The following FSIP2 variants were observed in gnomAD, a reference collection of about 807,000 sequenced individuals.
FSIP2 encodes the protein fibrous sheath interacting protein 2, also known as fibrous sheath-interacting protein 2.
In FSIP2, 367 loss-of-function variants were observed where a neutral mutation model predicts 510.5. The observed-to-expected ratio is 0.72, with a 90% CI of 0.66 to 0.78. FSIP2 has a LOEUF of 0.78. Ranked by LOEUF, FSIP2 falls within the 30% of genes least tolerant of loss-of-function variation. The pLI is 0.00. For synonymous variants in FSIP2, 2,601 were observed against 2,732.2 expected (o/e 0.95, Z 1.50); for missense variants, 7,594 against 7,901.7 (o/e 0.96, Z 1.48).
chr2:185,775,408 C>T (rs1165293294), intron 13 of FSIP2, among the ~76,000 whole-genome samples: 23 of 151,032 alleles, frequency 1.5e-4, no homozygotes, highest in Middle Eastern at 6.8e-3. Context: ...TCATATCCTT[C>T]GCCCACTTTT....
In FSIP2 at chr2:185,802,007, G is replaced by GTA; in HGVS notation, c.12704_12705dup (p.Val4236Ter). The GTA allele has an allele frequency of 6.6e-7, 1 of 1,526,096 alleles. No individual in the cohort carries two copies. Among genetic ancestry groups the GTA allele is most frequent in the Non-Finnish European group, 8.8e-7 (1 of 1,142,548 alleles). 94.5% of individuals were successfully genotyped at this position (1,526,096 alleles called of 1,614,324 possible). The stretch of plus-strand genomic sequence containing the variant: ...GACTCTCTTGTTTCAATACAAAAAA[G>GTA]TATAGTAAGCCGAAGCCCAATTATG... On this transcript the variant is annotated frameshift_variant, in exon 17 of 23. Transcript: ENST00000424728. LOFTEE classifies it high-confidence loss of function.
intron 18 of FSIP2, 58 bp downstream of exon 18, chr2:185,814,100 GC>G: frequency 6.7e-7 from 1 of 1,493,868 alleles, no homozygotes; most frequent in Non-Finnish European, 9.1e-7. Flanking sequence ...CACAAATCTG[GC>G]CCAAGAATGT....
rs1403861660 is a variant in FSIP2 at position 185,762,010 on chromosome 2, T to A, written c.1233T>A (p.Asp411Glu). The A allele has an allele frequency of 2.1e-6, 3 of 1,451,500 alleles. No individual in the cohort carries two copies. Among genetic ancestry groups the A allele is most frequent in the African/African-American group, 1.4e-5 (1 of 71,146 alleles). 89.9% of individuals were successfully genotyped at this position (1,451,500 alleles called of 1,614,324 possible). ...TATCTAAAAACTCAAGTATTTTCGA[T>A]GATAGAGGTAAGAAAATAAACAATA... ...GMVSKNSSIFDDRGGINISGQ... is the reference protein window; with the variant it reads ...GMVSKNSSIFEDRGGINISGQ... The change falls in exon 11 of 23, where the codon GAT becomes GAA. Residue 411 changes from aspartate (D) to glutamate (E), a missense_variant. Transcript: ENST00000424728.
intron 19 of FSIP2, among the ~76,000 whole-genome samples, chr2:185,816,873 GA>G (rs1693835098): frequency 6.7e-6 from 1 of 149,868 alleles, no homozygotes; most frequent in African/African-American, 2.5e-5. Flanking sequence ...GAGAGAGAGA[GA>G]GAGAGAAGAC....
At chr2:185,781,030 C>T (rs377228804) in intron 13 of FSIP2, among the ~76,000 whole-genome samples, 1 of 150,496 alleles carries the variant, frequency 6.6e-6, no homozygotes, top group East Asian at 2.0e-4. Context: ...AAAGCCAAGA[C>T]ATAATTTCTC....
intron 13 of FSIP2, among the ~76,000 whole-genome samples, chr2:185,774,392 TTAA>T (rs1238476153): frequency 2.0e-5 from 3 of 152,188 alleles, no homozygotes; most frequent in Non-Finnish European, 2.9e-5. Context: ...GTGTCTTTAG[TTAA>T]TAATATGTGG....
At chr2:185,763,907 C>G (rs1359885481) in intron 12 of FSIP2, among the ~76,000 whole-genome samples, 1 of 151,582 alleles carries the variant, frequency 6.6e-6, no homozygotes, top group Non-Finnish European at 1.5e-5. Context: ...ATGTTTACCA[C>G]AATGCGATTT....
Position 185,789,036 on chromosome 2 carries a change from C to A in FSIP2, c.1900C>A (p.Leu634Ile), listed in dbSNP as rs2105609213. The stretch of plus-strand genomic sequence containing the variant: ...ACATAAATATAATAAAACCAACTTG[C>A]TATATTCATACCCTAAGCTCAGAAG... ...SKHKYNKTNL[L>I]YSYPKLRSCK... is the part of the protein sequence containing the mutation. The change falls in exon 16 of 23, where the codon CTA becomes ATA. Residue 634 changes from leucine (L) to isoleucine (I), a missense_variant. Physicochemically the swap from Leu to Ile is conservative, Grantham distance 5. Transcript: ENST00000424728. The A allele has an allele frequency of 6.5e-7, 1 of 1,533,900 alleles. No individual in the cohort carries two copies. Among genetic ancestry groups the A allele is most frequent in the Non-Finnish European group, 8.7e-7 (1 of 1,145,282 alleles).
intron 5 of FSIP2, 150 bp downstream of exon 5, chr2:185,745,718 G>T: frequency 1.4e-6 from 1 of 711,116 alleles, no homozygotes; most frequent in Non-Finnish European, 2.1e-6. Flanking sequence ...ACCAAGAGGT[G>T]GAAGAATTTT....
intron 16 of FSIP2, among the ~76,000 whole-genome samples, chr2:185,799,487 G>A (rs1012877072): frequency 2.6e-5 from 4 of 151,684 alleles, no homozygotes; most frequent in Admixed American, 6.6e-5. Flanking sequence ...ATTTTGGGGT[G>A]TTATTTTCTC....
intron 9 of FSIP2, among the ~76,000 whole-genome samples, chr2:185,759,491 A>G (rs1692307023): frequency 6.9e-6 from 1 of 145,224 alleles, no homozygotes; most frequent in Non-Finnish European, 1.5e-5. Flanking sequence ...ACATATATTT[A>G]TATTATATTA....
intron 7 of FSIP2, among the ~76,000 whole-genome samples, chr2:185,750,265 A>T (rs1445850939): frequency 6.6e-6 from 1 of 151,654 alleles, no homozygotes; most frequent in South Asian, 2.1e-4. Flanking sequence ...GGAATTTATC[A>T]GTGAAGACAT....
intron 20 of FSIP2, 122 bp downstream of exon 20, chr2:185,824,602 A>G: frequency 1.5e-6 from 1 of 650,122 alleles, no homozygotes; most frequent in Non-Finnish European, 2.7e-6. Flanking sequence ...CTACTTTTGA[A>G]AATGATCCAG....
In FSIP2 at chr2:185,776,829, G is replaced by C. The variant is rs1385740243; in HGVS notation, c.1412-5876G>C. ...GGCTCACTGCAACTTCCGCCTCCCG[G>C]GTTCAAGTGACTCTCCTGCCTCAGC... On this transcript the variant is annotated intron_variant, in intron 13 of 22. Coordinates refer to ENST00000424728, the MANE Select transcript of FSIP2 (RefSeq NM_173651.4). Among the ~76,000 whole-genome samples the C allele has an allele frequency of 2.0e-5, 3 of 152,084 alleles. No homozygotes were observed. The South Asian group carries it at 6.2e-4, about 32-fold the overall frequency.
At chr2:185,823,100 A>T (rs763056149) in intron 19 of FSIP2, among the ~76,000 whole-genome samples, 5 of 151,928 alleles carry the variant, frequency 3.3e-5, no homozygotes, top group South Asian at 2.1e-4. Flanking sequence ...AACTAAAAAA[A>T]CTTTTGTTGG....
upstream of FSIP2, chr2:185,738,624 AAAGATG>A (rs1050355453): frequency 6.5e-7 from 1 of 1,535,998 alleles, no homozygotes; most frequent in Admixed American, 2.0e-5. Flanking sequence ...GGTTTCAGAG[AAAGATG>A]AAGTTTCAAC....
At position 185,793,557 on chromosome 2, in the gene FSIP2, A is replaced by G; in HGVS notation, c.6421A>G (p.Ile2141Val). 6.5e-7 allele frequency: 1 copy of G among 1,534,278 alleles called. No homozygotes were observed. Among genetic ancestry groups the G allele is most frequent in the Non-Finnish European group, 8.7e-7 (1 of 1,145,642 alleles). ...AATGTTCATGGAGGGTGCAAATAAG[A>G]TTATTCCTAAGCTTTCAGTTCCTAA... is the stretch of plus-strand genomic sequence containing the variant. Reference protein sequence around the residue: ...SEMFMEGANKIIPKLSVPKSD... With the variant: ...SEMFMEGANKVIPKLSVPKSD... Residue 2141 changes from isoleucine (I) to valine (V), a missense_variant, in exon 16 of 23, where the codon ATT becomes GTT. Coordinates refer to ENST00000424728, the MANE Select transcript of FSIP2 (RefSeq NM_173651.4).
At chr2:185,780,350 C>T (rs1230372635) in intron 13 of FSIP2, among the ~76,000 whole-genome samples, 1 of 151,892 alleles carries the variant, frequency 6.6e-6, no homozygotes, top group African/African-American at 2.4e-5. Flanking sequence ...ATTTCTCTCA[C>T]TGCATTCCTG....
intron 7 of FSIP2, among the ~76,000 whole-genome samples, chr2:185,751,627 AT>A (rs559064932): frequency 8.6e-5 from 13 of 150,600 alleles, no homozygotes; most frequent in Admixed American, 3.3e-4. Context: ...TCATCTCATT[AT>A]TTTTTTATTT....
Sources: gnomAD v4.1 joint callset for allele counts (sites outside exome capture counted in the v4.1 genomes callset) on GRCh38, gnomAD v4.1.1 for gene constraint, MANE v1.5 for transcripts, NCBI Gene and HGNC (gene_info 2026-07-23, HGNC 2026-07-21) for gene names.